TNR: variants seen among roughly 807,000 people sequenced by gnomAD.
TNR encodes the protein tenascin-R.
A neutral mutation model predicts 150.4 loss-of-function variants in TNR; 45 were observed. The ratio of observed to expected loss-of-function variants is 0.30; its 90% CI spans 0.24 to 0.38. TNR has a LOEUF of 0.38. TNR is among the 10% of genes least tolerant of loss of function. TNR has a pLI of 1.00. For missense variants in TNR, 1,544 were observed against 1,759.1 expected (o/e 0.88, Z 2.19); for synonymous variants, 687 against 678.4 (o/e 1.01, Z -0.20).
chr1:175,342,626 A>T (rs1046089717), intron 18 of TNR, among the ~76,000 whole-genome samples: 7 of 152,358 alleles, frequency 4.6e-5, no homozygotes, highest in Admixed American at 2.0e-4. Context: ...TCCATTCAGG[A>T]TGTAGTGGTG....
intron 2 of TNR, among the ~76,000 whole-genome samples, chr1:175,466,273 C>T (rs1657031637): frequency 6.6e-6 from 1 of 152,174 alleles, no homozygotes; most frequent in Admixed American, 6.5e-5. Context: ...GGATTCAAAT[C>T]TCATGTTCTA....
chr1:175,447,772 G>C (rs1010751601), intron 2 of TNR, among the ~76,000 whole-genome samples: 1 of 152,132 alleles, frequency 6.6e-6, no homozygotes, highest in African/African-American at 2.4e-5. Flanking sequence ...CCTTAGCTCC[G>C]TGTGGTCAGG....
At chr1:175,366,924 A>G (rs1163275218) in intron 10 of TNR, among the ~76,000 whole-genome samples, 1 of 152,118 alleles carries the variant, frequency 6.6e-6, no homozygotes, top group Non-Finnish European at 1.5e-5. Flanking sequence ...AATGGCATCA[A>G]CCTATTTAGG....
chr1:175,562,262 T>C (rs910732403), intron 1 of TNR, among the ~76,000 whole-genome samples: 1 of 152,228 alleles, frequency 6.6e-6, no homozygotes, highest in Non-Finnish European at 1.5e-5. Flanking sequence ...ATGGAAATTT[T>C]ATAAATTCAG....
intron 1 of TNR, among the ~76,000 whole-genome samples, chr1:175,715,094 G>C (rs868734922): frequency 1.4e-4 from 22 of 152,278 alleles, no homozygotes; most frequent in Middle Eastern, 3.4e-3. Flanking sequence ...ACACATAAAA[G>C]CTCAAGCCCC....
At chr1:175,331,078 C>CTTTCCTTCTTTCTTTCTTTCT (rs57439733) in intron 20 of TNR, among the ~76,000 whole-genome samples, 3 of 59,944 alleles carry the variant, frequency 5.0e-5, no homozygotes, top group African/African-American at 1.9e-4. Flanking sequence ...TCTTTCTTTC[C>CTTTCCTTCTTTCTTTCTTTCT]TTCTTTCTTT....
chr1:175,705,294 G>A (rs953555498), intron 1 of TNR, among the ~76,000 whole-genome samples: 21 of 152,040 alleles, frequency 1.4e-4, no homozygotes, highest in Non-Finnish European at 2.4e-4. Flanking sequence ...CCAAATTCTA[G>A]AATAAATTTT....
intron 1 of TNR, among the ~76,000 whole-genome samples, chr1:175,621,246 G>T (rs1322183706): frequency 6.6e-6 from 1 of 152,080 alleles, no homozygotes; most frequent in African/African-American, 2.4e-5. Flanking sequence ...ATCTATCTGC[G>T]CTCTAGCCTG....
rs759114134 is a variant in TNR, at chr1:175,403,266, C to T, written c.850G>A (p.Glu284Lys). 11 of 1,614,050 alleles carry T rather than the reference C, an allele frequency of 6.8e-6. No homozygotes were observed. The highest frequency in any genetic ancestry group is 4.0e-5 in the African/African-American group (3 of 74,924). Residue 284 changes from glutamate (E) to lysine (K), a missense_variant, in exon 4 of 23, where the codon GAG (glutamate) becomes AAG (lysine). Glu to Lys is a moderately conservative substitution (Grantham distance 56). Around this residue, in one of 2 missense-constraint regions of TNR, gnomAD observed 1,254 missense variants for 1,329.4 expected, o/e 0.94. Transcript: ENST00000367674. ...CAGTCCTCACCAACGTAGCCCTCCT[C>T]GCATAAACAGGTACCGTTGGCACAT... ...GRCANGTCLC[E>K]EGYVGEDCGQ... is the part of the protein sequence containing the mutation.
In TNR at chr1:175,629,989, G is replaced by A. The variant is rs75340322; in HGVS notation, c.-164-101620C>T. On this transcript the variant is annotated intron_variant, in intron 1 of 22. Transcript: ENST00000367674. ...GAACCTCAGACCCATACTGAGTCCTGGGGAGGGACTTTCTGGTGTGTCCTC... is the reference window on the plus strand; with the variant it reads ...GAACCTCAGACCCATACTGAGTCCTAGGGAGGGACTTTCTGGTGTGTCCTC... Among the ~76,000 whole-genome samples, 501 of 152,270 alleles carry A rather than the reference G, an allele frequency of 3.3e-3. 6 individuals are homozygous for A. The highest frequency in any genetic ancestry group is 0.011 in the African/African-American group (471 of 41,556).
rs185544278 is a variant in TNR at position 175,603,825 on chromosome 1, C to T, written c.-164-75456G>A. 1.4e-3 allele frequency among the ~76,000 whole-genome samples: 208 copies of T among 152,352 alleles called. 1 individual carries two copies. The highest frequency in any genetic ancestry group is 4.9e-3 in the African/African-American group (202 of 41,592). On this transcript the variant is annotated intron_variant, in intron 1 of 22. Coordinates refer to ENST00000367674, the MANE Select transcript of TNR (RefSeq NM_003285.3). Reference sequence around the variant, plus strand: ...CTCACTGCCTCTTGTGTGCTGCACTCACCACGTCACCCTGAAGTTATCTAT... The same window carrying T: ...CTCACTGCCTCTTGTGTGCTGCACTTACCACGTCACCCTGAAGTTATCTAT...
At chr1:175,447,117 C>G (rs528347004) in intron 2 of TNR, among the ~76,000 whole-genome samples, 1 of 152,226 alleles carries the variant, frequency 6.6e-6, no homozygotes, top group South Asian at 2.1e-4. Flanking sequence ...CCCACACTGC[C>G]CCCGGGACAC....
intron 2 of TNR, among the ~76,000 whole-genome samples, chr1:175,455,057 C>T (rs1260904095): frequency 1.3e-5 from 2 of 152,178 alleles, no homozygotes; most frequent in Non-Finnish European, 2.9e-5. Context: ...TGCTGAGCCG[C>T]TACATAAGCC....
chr1:175,669,804 G>C (rs751263727), intron 1 of TNR, among the ~76,000 whole-genome samples: 1 of 152,164 alleles, frequency 6.6e-6, no homozygotes, highest in Non-Finnish European at 1.5e-5. Context: ...ATACCAATCT[G>C]AGTCATTGGT....
At chr1:175,697,226 G>A (rs1393764436) in intron 1 of TNR, among the ~76,000 whole-genome samples, 2 of 152,014 alleles carry the variant, frequency 1.3e-5, no homozygotes, top group Non-Finnish European at 2.9e-5. Context: ...AAGGTGGGGA[G>A]GGGGTGGGGT....
chr1:175,612,672 G>A (rs1663634157), intron 1 of TNR, among the ~76,000 whole-genome samples: 1 of 152,102 alleles, frequency 6.6e-6, no homozygotes, highest in African/African-American at 2.4e-5. Context: ...TTCTAACCTT[G>A]ACAAACGTAT....
chr1:175,551,773 T>A (rs1660948383), intron 1 of TNR, among the ~76,000 whole-genome samples: 1 of 152,164 alleles, frequency 6.6e-6, no homozygotes, highest in African/African-American at 2.4e-5. Context: ...TGAATAATAC[T>A]AACAAAGGTA....
intron 2 of TNR, among the ~76,000 whole-genome samples, chr1:175,513,702 A>T (rs1659286553): frequency 6.6e-6 from 1 of 152,152 alleles, no homozygotes; most frequent in African/African-American, 2.4e-5. Flanking sequence ...GACAGGGAAG[A>T]GGGGTGCTAT....
At chr1:175,601,041 A>G (rs533035121) in intron 1 of TNR, among the ~76,000 whole-genome samples, 1 of 152,376 alleles carries the variant, frequency 6.6e-6, no homozygotes, top group South Asian at 2.1e-4. Context: ...TATAACAGAA[A>G]TGATATTGTA....
Sources: gnomAD v4.1 joint callset for allele counts (sites outside exome capture counted in the v4.1 genomes callset) on GRCh38, gnomAD v4.1.1 for gene constraint, gnomAD v4.1.1 regional missense constraint, MANE v1.5 for transcripts, NCBI Gene and HGNC (gene_info 2026-07-23, HGNC 2026-07-21) for gene names.